RAB11FIP3: variants seen among roughly 807,000 people sequenced by gnomAD.
RAB11FIP3 encodes the protein rab11 family-interacting protein 3.
In RAB11FIP3, 17 loss-of-function variants were observed where a neutral mutation model predicts 77.8. That is an observed-to-expected ratio of 0.22 (90% CI 0.15 to 0.33). The LOEUF is 0.33. Ranked by LOEUF, RAB11FIP3 falls within the 10% of genes least tolerant of loss-of-function variation. The pLI is 1.00. For missense variants in RAB11FIP3, 1,005 were observed against 1,011.2 expected (o/e 0.99, Z 0.08); for synonymous variants, 437 against 448.2 (o/e 0.98, Z 0.31).
At chr16:442,952 A>G (rs1228999778) in intron 1 of RAB11FIP3, among the ~76,000 whole-genome samples, 1 of 152,112 alleles carries the variant, frequency 6.6e-6, no homozygotes, top group Non-Finnish European at 1.5e-5. Context: ...ACTAAAATCC[A>G]AGAAAAACAA....
intron 5 of RAB11FIP3, among the ~76,000 whole-genome samples, chr16:495,337 G>A (rs1158969477): frequency 1.3e-5 from 2 of 152,202 alleles, no homozygotes; most frequent in African/African-American, 2.4e-5. Context: ...AGCTGCAAAC[G>A]GCGTGGTGGG....
intron 9 of RAB11FIP3, among the ~76,000 whole-genome samples, chr16:518,516 G>A (rs59145646): frequency 0.052 from 7,831 of 150,182 alleles, 241 homozygotes; most frequent in Middle Eastern, 0.079. Flanking sequence ...CATGAGGTCA[G>A]GAGTTCGAGA....
At chr16:470,375 C>T (rs1215198289) in intron 2 of RAB11FIP3, among the ~76,000 whole-genome samples, 2 of 152,114 alleles carry the variant, frequency 1.3e-5, no homozygotes, top group Admixed American at 6.5e-5. Flanking sequence ...TGAAGCAATC[C>T]ACCTGCCTCA....
At chr16:427,242 T>C (rs186138561) in intron 1 of RAB11FIP3, among the ~76,000 whole-genome samples, 171 of 152,384 alleles carry the variant, frequency 1.1e-3, no homozygotes, top group African/African-American at 3.1e-3. Flanking sequence ...CTTTTCTACT[T>C]AGATTTCATC....
At chr16:448,123 GC>G (rs2055347161) in intron 1 of RAB11FIP3, among the ~76,000 whole-genome samples, 1 of 151,722 alleles carries the variant, frequency 6.6e-6, no homozygotes, top group South Asian at 2.1e-4. Context: ...TTTGAGACCA[GC>G]CTGGCCAACA....
chr16:425,661 C>G lies in RAB11FIP3; in HGVS notation c.-346C>G, dbSNP rs940135193. On this transcript the variant is annotated 5_prime_UTR_variant, in exon 1 of 14. Coordinates refer to ENST00000262305, the MANE Select transcript of RAB11FIP3 (RefSeq NM_014700.4). ...CCTCAGGCGCCTCAGCCTCCTTAGT[C>G]TCCTCATCCTGCTTCACAGGCTCCG... is the stretch of plus-strand genomic sequence containing the variant. 1 of 224,184 alleles carries G rather than the reference C, an allele frequency of 4.5e-6. No homozygotes were observed. Among genetic ancestry groups the G allele is most frequent in the African/African-American group, 2.3e-5 (1 of 42,748 alleles). The allele number at this position is 224,184 out of a possible 1,614,324, so 13.9% of individuals were successfully genotyped here. A position where few individuals can be genotyped will look rare whatever the true frequency, so the allele number is the denominator to read the frequency against.
In RAB11FIP3 at chr16:522,759, T is replaced by C. The variant is rs2032752875; in HGVS notation, c.*1920T>C. 2 of 152,212 alleles carry C rather than the reference T, an allele frequency of 1.3e-5. No homozygotes were observed. The highest frequency in any genetic ancestry group is 6.5e-5 in the Admixed American group (1 of 15,270). The allele number at this position is 152,212 out of a possible 1,614,324, so 9.4% of individuals were successfully genotyped here. On this transcript the variant is annotated 3_prime_UTR_variant, in exon 14 of 14. Coordinates refer to ENST00000262305, the MANE Select transcript of RAB11FIP3 (RefSeq NM_014700.4). The stretch of plus-strand genomic sequence containing the variant: ...GGTGGGGCAGGTGGGGCGGGGCAAA[T>C]TGGGCAGCACAGGGCTGTGTGGGCA...
rs536882706 is a variant in RAB11FIP3 at position 521,807 on chromosome 16, G to C, written c.*968G>C. On this transcript the variant is annotated 3_prime_UTR_variant, in exon 14 of 14. Transcript: ENST00000262305. ...ACATCGGGAACCCTGTTTTCTTCTG[G>C]GTGTGTCTCACTTAGAAATCGTGGT... The C allele has an allele frequency of 2.6e-5, 4 of 152,288 alleles. No homozygotes were observed. Among genetic ancestry groups the C allele is most frequent in the Non-Finnish European group, 5.9e-5 (4 of 68,088 alleles). 9.4% of individuals were successfully genotyped at this position (152,288 alleles called of 1,614,324 possible).
In RAB11FIP3 at chr16:519,135, G is replaced by T. The variant is rs1047118888; in HGVS notation, c.1722+111G>T. 8 of 1,192,568 alleles carry T rather than the reference G, an allele frequency of 6.7e-6. No homozygotes were observed. The African/African-American group carries it at 1.2e-4, about 18-fold the overall frequency. The allele number at this position is 1,192,568 out of a possible 1,614,324, so 73.9% of individuals were successfully genotyped here. A position where few individuals can be genotyped will look rare whatever the true frequency, so the allele number is the denominator to read the frequency against. ...TGCTGAGCGGGATACTGTGCTGTGT[G>T]TGAGGGAACGGGGCCAGCTCAGGGC... On this transcript the variant is annotated intron_variant, in intron 10 of 13. Coordinates refer to ENST00000262305, the MANE Select transcript of RAB11FIP3 (RefSeq NM_014700.4).
chr16:520,741 C>T lies in RAB11FIP3; in HGVS notation c.2173C>T (p.Gln725Ter). ...TGCCCTACAGCTCATGGAGGCGATT[C>T]AGAAGCAGGAGGAGATCAACTTCCG... Reference protein sequence around the residue: ...VSRDELMEAIQKQEEINFRLQ... With the variant: ...VSRDELMEAI The change falls in exon 14 of 14, where the codon CAG becomes TAG. Residue 725 changes from glutamine to a stop codon, truncating the protein, a stop_gained. Coordinates refer to ENST00000262305, the MANE Select transcript of RAB11FIP3 (RefSeq NM_014700.4). LOFTEE classifies it high-confidence loss of function. The T allele has an allele frequency of 6.2e-7, 1 of 1,613,710 alleles. No individual in the cohort carries two copies. The highest frequency in any genetic ancestry group is 8.5e-7 in the Non-Finnish European group (1 of 1,180,024).
intron 2 of RAB11FIP3, among the ~76,000 whole-genome samples, chr16:463,541 C>T (rs1054629501): frequency 2.0e-5 from 3 of 149,294 alleles, no homozygotes; most frequent in African/African-American, 4.9e-5. Flanking sequence ...CGGGTTCAAG[C>T]GATTCTCCTG....
At position 426,314 on chromosome 16, in the gene RAB11FIP3, C is replaced by T; in HGVS notation, c.308C>T (p.Pro103Leu). 7.4e-7 allele frequency: 1 copy of T among 1,347,576 alleles called. No individual in the cohort carries two copies. The allele number at this position is 1,347,576 out of a possible 1,614,324, so 83.5% of individuals were successfully genotyped here. The change falls in exon 1 of 14, where the codon CCC becomes CTC. Residue 103 changes from proline (P) to leucine (L), a missense_variant. Pro to Leu is a moderately conservative substitution (Grantham distance 98). Around this residue, in one of 4 missense-constraint regions of RAB11FIP3, gnomAD observed 466 missense variants for 408.3 expected, o/e 1.14. Transcript: ENST00000262305. This position sits in a 1 kb window ranked among gnomAD's most constrained non-coding sequence, Gnocchi z 5.0. ...GGCCCGCGGGGGCAGCTTGCGAGCCCCGACGCCCCGGGCCCAGGGCCGCGC... is the reference window on the plus strand; with the variant it reads ...GGCCCGCGGGGGCAGCTTGCGAGCCTCGACGCCCCGGGCCCAGGGCCGCGC... The part of the protein sequence containing the change: ...RSGPRGQLAS[P>L]DAPGPGPRSE...
At chr16:488,003 C>A (rs1035417887) in intron 4 of RAB11FIP3, among the ~76,000 whole-genome samples, 2 of 151,768 alleles carry the variant, frequency 1.3e-5, no homozygotes, top group Admixed American at 1.3e-4. Context: ...GAACTTGTGA[C>A]GTGGGAGGGC....
At chr16:478,902 T>C (rs1357020295) in intron 3 of RAB11FIP3, among the ~76,000 whole-genome samples, 2 of 152,116 alleles carry the variant, frequency 1.3e-5, no homozygotes, top group African/African-American at 4.8e-5. Flanking sequence ...GAGGCAGAGG[T>C]TGCAGTGAGC....
chr16:462,054 A>G (rs1019567271), intron 2 of RAB11FIP3, among the ~76,000 whole-genome samples: 6 of 152,208 alleles, frequency 3.9e-5, no homozygotes, highest in Non-Finnish European at 8.8e-5. Flanking sequence ...TACAGCTCAC[A>G]CCTGCTCCTC....
At chr16:450,193 A>G (rs906016428) in intron 1 of RAB11FIP3, among the ~76,000 whole-genome samples, 5 of 151,894 alleles carry the variant, frequency 3.3e-5, no homozygotes, top group African/African-American at 1.2e-4. Context: ...TTCTTGAGAC[A>G]GGGTCTCACT....
At chr16:443,904 G>A (rs2055269109) in intron 1 of RAB11FIP3, among the ~76,000 whole-genome samples, 1 of 152,152 alleles carries the variant, frequency 6.6e-6, no homozygotes, top group Admixed American at 6.6e-5. Context: ...AATATTTTCC[G>A]TCACCAAATT....
chr16:482,727 T>C lies in RAB11FIP3; in HGVS notation c.1106T>C (p.Leu369Pro), dbSNP rs1320765069. ...CCCGACCATGGTGCCCTGCTGCTGC[T>C]CCCAGGCAGGTCTGTACCCCGCCAC... ...EEPDHGALLLLPGRPHPHGQS... is the reference protein window; with the variant it reads ...EEPDHGALLLPPGRPHPHGQS... Residue 369 changes from leucine to proline, a missense_variant, in exon 4 of 14, where the codon CTC (leucine) becomes CCC (proline). Coordinates refer to ENST00000262305, the MANE Select transcript of RAB11FIP3 (RefSeq NM_014700.4). 6.2e-7 allele frequency: 1 copy of C among 1,603,012 alleles called. No homozygotes were observed. The highest frequency in any genetic ancestry group is 1.7e-5 in the Admixed American group (1 of 58,776).
intron 1 of RAB11FIP3, among the ~76,000 whole-genome samples, chr16:434,702 G>A (rs1338171443): frequency 1.3e-5 from 2 of 152,030 alleles, no homozygotes; most frequent in African/African-American, 4.8e-5. Flanking sequence ...ACAAGCATGA[G>A]CCACTGGCCT....
Sources: gnomAD v4.1 joint callset for allele counts (sites outside exome capture counted in the v4.1 genomes callset) on GRCh38, gnomAD v4.1.1 for gene constraint, gnomAD v4.1.1 regional missense constraint, Gnocchi (gnomAD v3.1) non-coding constraint, MANE v1.5 for transcripts, NCBI Gene and HGNC (gene_info 2026-07-23, HGNC 2026-07-21) for gene names.